The following SPART variants were observed in gnomAD, a reference collection of about 807,000 sequenced individuals.
The protein encoded by SPART is spastic paraplegia 20 (Troyer syndrome).
In SPART, 35 loss-of-function variants were observed where a neutral mutation model predicts 58.7. The observed-to-expected ratio is 0.60, with a 90% CI of 0.46 to 0.79. The LOEUF is 0.79. SPART is among the 30% of genes least tolerant of loss of function. The pLI, the probability that SPART is intolerant of heterozygous loss-of-function variation, is 0.00. For synonymous variants in SPART, 284 were observed against 280.7 expected (o/e 1.01, Z -0.12); for missense variants, 730 against 786.1 (o/e 0.93, Z 0.85).
At chr13:36,317,567 C>T (rs564017083) in intron 5 of SPART, among the ~76,000 whole-genome samples, 14 of 150,688 alleles carry the variant, frequency 9.3e-5, no homozygotes, top group African/African-American at 3.4e-4. Flanking sequence ...TATTTCTGCA[C>T]CCCATCCCTT....
intron 4 of SPART, among the ~76,000 whole-genome samples, chr13:36,328,930 T>G (rs1883198390): frequency 6.6e-6 from 1 of 152,096 alleles, no homozygotes; most frequent in Non-Finnish European, 1.5e-5. Context: ...TGTGCATCAC[T>G]AATGCAAATA....
upstream of SPART, among the ~76,000 whole-genome samples, chr13:36,348,016 T>TCA (rs896832705): frequency 2.2e-4 from 34 of 152,218 alleles, no homozygotes; most frequent in Non-Finnish European, 1.3e-4. Flanking sequence ...CCAGGCTTGG[T>TCA]GGCTTATGCC....
At chr13:36,321,569 T>C (rs1882400525) in intron 5 of SPART, among the ~76,000 whole-genome samples, 1 of 152,016 alleles carries the variant, frequency 6.6e-6, no homozygotes, top group African/African-American at 2.4e-5. Context: ...AAGACCTCCC[T>C]TCAGCTTAAT....
At chr13:36,328,373 A>G (rs1045044701) in intron 4 of SPART, among the ~76,000 whole-genome samples, 2 of 152,188 alleles carry the variant, frequency 1.3e-5, no homozygotes, top group Admixed American at 1.3e-4. Context: ...ACTTGCTTAT[A>G]TTACCACTTC....
intron 8 of SPART, among the ~76,000 whole-genome samples, chr13:36,311,121 T>C (rs1194931338): frequency 6.6e-6 from 1 of 152,184 alleles, no homozygotes; most frequent in East Asian, 1.9e-4. Context: ...CACAAGGGCA[T>C]CTGCCATAAA....
At chr13:36,340,598 C>T (rs1426642628) in intron 1 of SPART, among the ~76,000 whole-genome samples, 2 of 152,106 alleles carry the variant, frequency 1.3e-5, no homozygotes, top group Admixed American at 6.5e-5. Flanking sequence ...CAAGTGATTG[C>T]TCAGTTATTA....
chr13:36,306,518 T>G lies in SPART; in HGVS notation c.1734-1886A>C, dbSNP rs375989752. ...TAACTCACAGTCATGTTTTCAAGCA[T>G]AGGAAATCCTCCATATTCACAAACT... On this transcript the variant is annotated intron_variant, in intron 8 of 8. Transcript: ENST00000438666. Among the ~76,000 whole-genome samples the G allele has an allele frequency of 3.9e-5, 6 of 152,158 alleles. No individual in the cohort carries two copies. The East Asian group carries it at 1.2e-3, about 29-fold the overall frequency.
At chr13:36,312,575 G>A in intron 6 of SPART, 98 bp from the exon 7 acceptor site, 1 of 1,248,718 alleles carries the variant, frequency 8.0e-7, no homozygotes, top group South Asian at 1.2e-5. Flanking sequence ...CATCTAAATT[G>A]TTTTACTATA....
At chr13:36,351,601 C>T (rs1033008738) in intron 1 of SPART, among the ~76,000 whole-genome samples, 1 of 151,986 alleles carries the variant, frequency 6.6e-6, no homozygotes, top group African/African-American at 2.4e-5. Context: ...TAAATGTTCT[C>T]GGAAGAAAAA....
chr13:36,331,555 C>T lies in SPART; in HGVS notation c.852G>A (p.Pro284=), dbSNP rs571222120. The T allele has an allele frequency of 6.4e-5, 103 of 1,613,762 alleles. 2 individuals are homozygous for T. The East Asian group carries it at 1.7e-3, about 27-fold the overall frequency. ...WLYPLVPDRS[P]VLKCTAGAYM... is the part of the protein sequence containing the mutation. ...AGGCTCCCGCAGTACATTTCAGAAC[C>T]GGAGATCTATCAGGAACTAGAGGAT... Residue 284 remains proline, a synonymous_variant, in exon 3 of 9, where the codon CCG becomes CCA. Transcript: ENST00000438666.
chr13:36,359,746 C>G (rs1885764036), intron 1 of SPART, among the ~76,000 whole-genome samples: 1 of 152,112 alleles, frequency 6.6e-6, no homozygotes, highest in Non-Finnish European at 1.5e-5. Flanking sequence ...AGTCCAAATT[C>G]TGGATCTGCC....
At chr13:36,311,542 A>G (rs1204193517) in intron 8 of SPART, among the ~76,000 whole-genome samples, 1 of 152,184 alleles carries the variant, frequency 6.6e-6, no homozygotes, top group East Asian at 1.9e-4. Context: ...ATCACCCATC[A>G]AAAACATGTA....
At chr13:36,316,299 G>A (rs927788162) in intron 5 of SPART, among the ~76,000 whole-genome samples, 1 of 152,236 alleles carries the variant, frequency 6.6e-6, no homozygotes, top group Non-Finnish European at 1.5e-5. Context: ...CTGACCAGGT[G>A]CAGTGGCTCA....
At chr13:36,365,724 C>T (rs2137732749) in intron 1 of SPART, 1 of 380,870 alleles carries the variant, frequency 2.6e-6, no homozygotes, top group Non-Finnish European at 5.3e-6. Flanking sequence ...TTTTTTATCT[C>T]CATAGCTCCA....
At chr13:36,355,713 C>T (rs1481366829) in intron 1 of SPART, among the ~76,000 whole-genome samples, 2 of 152,196 alleles carry the variant, frequency 1.3e-5, no homozygotes, top group Non-Finnish European at 2.9e-5. Context: ...TTCTTCTCAG[C>T]CAGGGCTCTT....
intron 1 of SPART, among the ~76,000 whole-genome samples, chr13:36,339,059 T>C (rs1401979799): frequency 6.6e-6 from 1 of 151,816 alleles, no homozygotes; most frequent in Non-Finnish European, 1.5e-5. Context: ...AGCAATGTAA[T>C]TTGGTTGAAA....
At chr13:36,310,551 C>T (rs1400535367) in intron 8 of SPART, among the ~76,000 whole-genome samples, 1 of 152,026 alleles carries the variant, frequency 6.6e-6, no homozygotes, top group Non-Finnish European at 1.5e-5. Flanking sequence ...TAGTTGTATC[C>T]CACCACCTTT....
At chr13:36,342,149 C>T (rs1415041744) in intron 1 of SPART, among the ~76,000 whole-genome samples, 3 of 152,162 alleles carry the variant, frequency 2.0e-5, no homozygotes, top group Non-Finnish European at 2.9e-5. Flanking sequence ...GATAGGACAC[C>T]ACTATCCCCA....
chr13:36,330,976 C>T lies in SPART; in HGVS notation c.1008+423G>A, dbSNP rs117662160. On this transcript the variant is annotated intron_variant, in intron 3 of 8. Transcript: ENST00000438666. ...CATTTAGACCCATTAGTACACTTTT[C>T]CAGCTGAGCAATAAAACAGTGGTGA... Among the ~76,000 whole-genome samples, 655 of 152,264 alleles carry T rather than the reference C, an allele frequency of 4.3e-3. 2 individuals are homozygous for T. Among genetic ancestry groups the T allele is most frequent in the Non-Finnish European group, 7.7e-3 (521 of 68,028 alleles).
Sources: gnomAD v4.1 joint callset for allele counts (sites outside exome capture counted in the v4.1 genomes callset) on GRCh38, gnomAD v4.1.1 for gene constraint, MANE v1.5 for transcripts, NCBI Gene and HGNC (gene_info 2026-07-23, HGNC 2026-07-21) for gene names.